GRM3: variants seen among roughly 807,000 people sequenced by gnomAD.
GRM3 encodes glutamate metabotropic receptor 3.
Under a neutral mutation model 70.5 loss-of-function variants are expected in GRM3, and 26 were observed. That is an observed-to-expected ratio of 0.37 (90% CI 0.27 to 0.51). The LOEUF (loss-of-function observed/expected upper bound fraction) is 0.51. Ranked by LOEUF, GRM3 falls within the 20% of genes least tolerant of loss-of-function variation. The pLI is 0.93. For synonymous variants in GRM3, 443 were observed against 434.9 expected, an observed-to-expected ratio of 1.02 and a Z score of -0.23; for missense variants, 859 against 1,123.8, an observed-to-expected ratio of 0.76 and a Z score of 3.37.
intron 1 of GRM3, among the ~76,000 whole-genome samples, chr7:86,690,034 A>T (rs1259652507): frequency 6.6e-6 from 1 of 151,828 alleles, no homozygotes; most frequent in Non-Finnish European, 1.5e-5. Flanking sequence ...TTTGCCAGTG[A>T]AGTAAATAAA....
At chr7:86,704,123 C>G (rs541467315) in intron 1 of GRM3, among the ~76,000 whole-genome samples, 14 of 151,954 alleles carry the variant, frequency 9.2e-5, no homozygotes, top group Non-Finnish European at 1.3e-4. Context: ...CACATGGCAG[C>G]CTCATTTAAA....
intron 1 of GRM3, among the ~76,000 whole-genome samples, chr7:86,668,571 C>A (rs1794089980): frequency 6.6e-6 from 1 of 152,116 alleles, no homozygotes; most frequent in Admixed American, 6.6e-5. Context: ...AATTCTCACA[C>A]TTTCTAATGA....
At chr7:86,753,575 G>A (rs1796279009) in intron 1 of GRM3, among the ~76,000 whole-genome samples, 1 of 151,962 alleles carries the variant, frequency 6.6e-6, no homozygotes, top group Admixed American at 6.6e-5. Flanking sequence ...TTCATATTTT[G>A]ATATTTTTAT....
At chr7:86,750,601 A>C (rs537524305) in intron 1 of GRM3, among the ~76,000 whole-genome samples, 1 of 152,160 alleles carries the variant, frequency 6.6e-6, no homozygotes, top group South Asian at 2.1e-4. Flanking sequence ...GCTAAGATGA[A>C]ATTTAGAGTG....
At position 86,683,222 on chromosome 7, in the gene GRM3, G is replaced by A. The variant is rs554801094; in HGVS notation, c.-141+38350G>A. 5.9e-5 allele frequency among the ~76,000 whole-genome samples: 9 copies of A among 152,262 alleles called. No homozygotes were observed. In the South Asian group the frequency reaches 6.2e-4, roughly 11 times the overall value. ...TTCATGACTGAGTAGATGTAGATAA[G>A]CAAGGAGAGGAGAAGAGGAAGGAGT... is the stretch of plus-strand genomic sequence containing the variant. On this transcript the variant is annotated intron_variant, in intron 1 of 5. Coordinates refer to ENST00000361669, the MANE Select transcript of GRM3 (RefSeq NM_000840.3).
intron 1 of GRM3, among the ~76,000 whole-genome samples, chr7:86,646,824 C>A (rs1031631868): frequency 1.3e-4 from 20 of 151,524 alleles, no homozygotes; most frequent in African/African-American, 4.6e-4. Context: ...AAGCCACACA[C>A]ACAAAAAAAT....
At chr7:86,771,058 C>G (rs1405543875) in intron 2 of GRM3, among the ~76,000 whole-genome samples, 1 of 152,016 alleles carries the variant, frequency 6.6e-6, no homozygotes, top group Admixed American at 6.6e-5. Context: ...TGATCTGGAG[C>G]AAGGTATATT....
intron 1 of GRM3, among the ~76,000 whole-genome samples, chr7:86,751,542 C>T (rs1374592677): frequency 1.3e-5 from 2 of 152,106 alleles, no homozygotes; most frequent in Admixed American, 6.6e-5. Context: ...TAATTTCATT[C>T]ACTTTTCAGA....
At chr7:86,767,765 A>C (rs1022905489) in intron 2 of GRM3, among the ~76,000 whole-genome samples, 1 of 151,822 alleles carries the variant, frequency 6.6e-6, no homozygotes, top group African/African-American at 2.4e-5. Context: ...TAAATATCCC[A>C]CTTATCCAAA....
chr7:86,790,203 T>G (rs1038898232), intron 3 of GRM3, among the ~76,000 whole-genome samples: 3 of 151,978 alleles, frequency 2.0e-5, no homozygotes, highest in African/African-American at 7.3e-5. Flanking sequence ...ATTTAATTGA[T>G]AGTTCCTTTA....
At chr7:86,741,394 A>C (rs935871641) in intron 1 of GRM3, among the ~76,000 whole-genome samples, 6 of 152,322 alleles carry the variant, frequency 3.9e-5, no homozygotes, top group Middle Eastern at 3.4e-3. Context: ...TAATTTCTTA[A>C]GTTATTGCTC....
chr7:86,738,278 A>C (rs1184217538), intron 1 of GRM3, among the ~76,000 whole-genome samples: 3 of 152,182 alleles, frequency 2.0e-5, no homozygotes, highest in Non-Finnish European at 4.4e-5. Context: ...GAAGATGTCA[A>C]ATTCACACAT....
chr7:86,717,070 G>A (rs1795334580), intron 1 of GRM3, among the ~76,000 whole-genome samples: 1 of 151,910 alleles, frequency 6.6e-6, no homozygotes, highest in African/African-American at 2.4e-5. Flanking sequence ...AGATAATAAT[G>A]AAGATTGAGT....
chr7:86,724,257 C>A (rs1795540713), intron 1 of GRM3, among the ~76,000 whole-genome samples: 1 of 152,228 alleles, frequency 6.6e-6, no homozygotes, highest in African/African-American at 2.4e-5. Context: ...ATTCCCTTTA[C>A]AAACACGACA....
Position 86,692,313 on chromosome 7 carries a change from T to C in GRM3, c.-141+47441T>C, listed in dbSNP as rs1484643028. ...AAATTTTCTATCATAGACTATAGAGTCTGTCTACATAATCTGGCCCTTAAC... is the reference window on the plus strand; with the variant it reads ...AAATTTTCTATCATAGACTATAGAGCCTGTCTACATAATCTGGCCCTTAAC... On this transcript the variant is annotated intron_variant, in intron 1 of 5. Transcript: ENST00000361669. 2.0e-5 allele frequency among the ~76,000 whole-genome samples: 3 copies of C among 152,310 alleles called. No individual in the cohort carries two copies. The East Asian group carries it at 5.8e-4, about 29-fold the overall frequency.
intron 3 of GRM3, among the ~76,000 whole-genome samples, chr7:86,823,094 G>A (rs1798155650): frequency 6.6e-6 from 1 of 152,040 alleles, no homozygotes; most frequent in African/African-American, 2.4e-5. Flanking sequence ...GAAAAGAAGG[G>A]GACAGACTAG....
intron 1 of GRM3, among the ~76,000 whole-genome samples, chr7:86,747,943 C>A (rs1796145166): frequency 6.6e-6 from 1 of 152,026 alleles, no homozygotes; most frequent in South Asian, 2.1e-4. Flanking sequence ...CTAACGTTTG[C>A]GCAGGGAACA....
In GRM3 at chr7:86,786,835, AC is replaced by A. The variant is rs1383626921; in HGVS notation, c.1047del (p.Trp350GlyfsTer45). The A allele has an allele frequency of 6.2e-7, 1 of 1,613,932 alleles. No homozygotes were observed. Among genetic ancestry groups the A allele is most frequent in the Non-Finnish European group, 8.5e-7 (1 of 1,180,014 alleles). On this transcript the variant is annotated frameshift_variant, in exon 3 of 6. Transcript: ENST00000361669. LOFTEE classifies it high-confidence loss of function. This position sits in a 1 kb window ranked among gnomAD's most constrained non-coding sequence, Gnocchi z 6.0. ...QSLNPYNNHRNPWFRDFWEQK... is the reference protein window; with the variant it reads ...QSLNPYNNHRXPWFRDFWEQK... ...CTCAACCCCTACAACAACCACCGCA[AC>A]CCCTGGTTCCGGGACTTCTGGGAGC...
intron 3 of GRM3, among the ~76,000 whole-genome samples, chr7:86,809,195 T>C (rs1463749141): frequency 6.6e-6 from 1 of 152,098 alleles, no homozygotes; most frequent in Non-Finnish European, 1.5e-5. Flanking sequence ...ATCAATTCTC[T>C]ATTATACAAT....
Sources: allele counts gnomAD v4.1 joint callset (sites outside exome capture counted in the v4.1 genomes callset), GRCh38; gene constraint gnomAD v4.1.1; non-coding constraint Gnocchi (gnomAD v3.1); transcripts MANE v1.5; gene names NCBI Gene and HGNC (gene_info 2026-07-23, HGNC 2026-07-21).